Variants in DYNC1I1 observed in about 807,000 individuals in gnomAD.
DYNC1I1 encodes dynein cytoplasmic 1 intermediate chain 1.
Under a neutral mutation model 86.6 loss-of-function variants are expected in DYNC1I1, and 43 were observed. The ratio of observed to expected loss-of-function variants is 0.50; its 90% CI spans 0.39 to 0.64. DYNC1I1 has a LOEUF of 0.64. DYNC1I1 is among the 30% of genes least tolerant of loss of function. The pLI, the probability that DYNC1I1 is intolerant of heterozygous loss-of-function variation, is 0.00. For missense variants in DYNC1I1, 604 were observed against 788.8 expected (o/e 0.77, Z 2.81); for synonymous variants, 262 against 283.7 (o/e 0.92, Z 0.77).
At chr7:95,780,967 AATTGGTGTGT>A (rs1793977621) in intron 1 of DYNC1I1, among the ~76,000 whole-genome samples, 1 of 152,070 alleles carries the variant, frequency 6.6e-6, no homozygotes, top group Non-Finnish European at 1.5e-5. Context: ...AGGTTGTGGG[AATTGGTGTGT>A]ATTTTGTGGA....
chr7:96,035,720 A>G lies in DYNC1I1; in HGVS notation c.1332A>G (p.Glu444=), dbSNP rs920497181. The change falls in exon 13 of 17, where the codon GAA becomes GAG. Residue 444 remains glutamate, a synonymous_variant. Coordinates refer to ENST00000447467, the MANE Select transcript of DYNC1I1 (RefSeq NM_001135556.2). ...DVNNFVVGSE[E]GTVYTACRHG... ...ATAACTTCGTGGTTGGCAGTGAGGA[A>G]GGTACAGTCTACACGGCTTGTCGTC... The G allele has an allele frequency of 5.0e-6, 8 of 1,611,638 alleles. No individual in the cohort carries two copies. The highest frequency in any genetic ancestry group is 1.7e-5 in the Admixed American group (1 of 59,556).
At chr7:95,847,060 A>AAGGTATTT (rs1287902517) in intron 5 of DYNC1I1, among the ~76,000 whole-genome samples, 1 of 152,128 alleles carries the variant, frequency 6.6e-6, no homozygotes, top group Non-Finnish European at 1.5e-5. Flanking sequence ...CCCCAAAGAA[A>AAGGTATTT]AGGTATTTCT....
chr7:95,887,544 C>T (rs1158571906), intron 6 of DYNC1I1, among the ~76,000 whole-genome samples: 1 of 152,094 alleles, frequency 6.6e-6, no homozygotes, highest in Non-Finnish European at 1.5e-5. Context: ...TGTGTTTTTA[C>T]CCCTCTTATA....
intron 4 of DYNC1I1, among the ~76,000 whole-genome samples, chr7:95,827,782 G>A (rs561755015): frequency 2.6e-5 from 4 of 152,238 alleles, no homozygotes; most frequent in South Asian, 2.1e-4. Context: ...AAAACAAAGG[G>A]TAGGGGTGTG....
At chr7:96,038,107 C>T (rs1467136955) in intron 13 of DYNC1I1, among the ~76,000 whole-genome samples, 1 of 152,148 alleles carries the variant, frequency 6.6e-6, no homozygotes, top group Non-Finnish European at 1.5e-5. Context: ...ATGTGTGGAA[C>T]TGCTCTTAGC....
intron 6 of DYNC1I1, among the ~76,000 whole-genome samples, chr7:95,936,968 A>G (rs959808584): frequency 2.0e-5 from 3 of 151,664 alleles, no homozygotes; most frequent in African/African-American, 7.3e-5. Context: ...ACACACACAC[A>G]CACACACACA....
At chr7:95,957,289 G>A (rs771022048) in intron 6 of DYNC1I1, among the ~76,000 whole-genome samples, 2 of 152,106 alleles carry the variant, frequency 1.3e-5, no homozygotes, top group African/African-American at 4.8e-5. Context: ...AGTATCAGTG[G>A]CATTTTTGTA....
chr7:95,894,687 G>C (rs910072389), intron 6 of DYNC1I1, among the ~76,000 whole-genome samples: 1 of 152,092 alleles, frequency 6.6e-6, no homozygotes, highest in Non-Finnish European at 1.5e-5. Flanking sequence ...ACACATTTTT[G>C]CCAACTGGAA....
Position 96,032,734 on chromosome 7 carries a change from A to T in DYNC1I1, c.1184A>T (p.Asp395Val). 6.2e-7 allele frequency: 1 copy of T among 1,613,726 alleles called. No individual in the cohort carries two copies. The highest frequency in any genetic ancestry group is 8.5e-7 in the Non-Finnish European group (1 of 1,179,732). The change falls in exon 12 of 17, where the codon GAT (aspartate) becomes GTT (valine). Residue 395 changes from aspartate to valine, a missense_variant. Physicochemically the swap from Asp to Val is radical, Grantham distance 152 (BLOSUM62 -3). Transcript: ENST00000447467. ...NAHNLITVST[D>V]GKMCSWSLDM... Reference sequence around the variant, plus strand: ...CATAACCTCATCACTGTCTCCACTGATGGCAAAATGTGTTCCTGGAGCCTG... The same window carrying T: ...CATAACCTCATCACTGTCTCCACTGTTGGCAAAATGTGTTCCTGGAGCCTG...
intron 5 of DYNC1I1, among the ~76,000 whole-genome samples, chr7:95,861,321 T>A (rs73228432): frequency 6.6e-6 from 1 of 152,250 alleles, no homozygotes; most frequent in Non-Finnish European, 1.5e-5. Context: ...TCCTGAAGTG[T>A]ATTTTAATTC....
intron 16 of DYNC1I1, among the ~76,000 whole-genome samples, chr7:96,087,151 T>TA (rs1790706204): frequency 6.6e-6 from 1 of 152,174 alleles, no homozygotes; most frequent in Admixed American, 6.5e-5. Flanking sequence ...TTTCCAGTAA[T>TA]ACAGGGCCTA....
chr7:95,987,941 A>G (rs564277578), intron 9 of DYNC1I1, among the ~76,000 whole-genome samples: 2 of 152,210 alleles, frequency 1.3e-5, no homozygotes, highest in Non-Finnish European at 2.9e-5. Context: ...CCAGTCTGTC[A>G]CGAAGACTTT....
chr7:96,047,812 G>C lies in DYNC1I1; in HGVS notation c.1509+8391G>C, dbSNP rs996689805. 2.6e-5 allele frequency among the ~76,000 whole-genome samples: 4 copies of C among 151,524 alleles called. No homozygotes were observed. In the East Asian group the frequency reaches 7.9e-4, roughly 30 times the overall value. ...GTATGGTTTAAAAAATGGAGGAACAGAATTCACCGCTATATAACTCATCCA... is the reference window on the plus strand; with the variant it reads ...GTATGGTTTAAAAAATGGAGGAACACAATTCACCGCTATATAACTCATCCA... On this transcript the variant is annotated intron_variant, in intron 14 of 16. Coordinates refer to ENST00000447467, the MANE Select transcript of DYNC1I1 (RefSeq NM_001135556.2).
chr7:95,846,619 C>CTGTGTG (rs1486874846), intron 5 of DYNC1I1, among the ~76,000 whole-genome samples: 3 of 105,024 alleles, frequency 2.9e-5, no homozygotes, highest in Non-Finnish European at 5.1e-5. Context: ...AATGATAAAT[C>CTGTGTG]TCTCTCTCTG....
At chr7:95,839,596 T>C (rs1429996452) in intron 5 of DYNC1I1, among the ~76,000 whole-genome samples, 2 of 152,226 alleles carry the variant, frequency 1.3e-5, no homozygotes, top group Non-Finnish European at 2.9e-5. Flanking sequence ...AAAAGCTGTT[T>C]ACCCACCACC....
At chr7:96,006,958 G>A (rs142148541) in intron 10 of DYNC1I1, among the ~76,000 whole-genome samples, 1 of 152,010 alleles carries the variant, frequency 6.6e-6, no homozygotes, top group Non-Finnish European at 1.5e-5. Flanking sequence ...ATTACACATT[G>A]TGTACATGTA....
intron 10 of DYNC1I1, among the ~76,000 whole-genome samples, chr7:96,002,033 A>G (rs1470378337): frequency 6.6e-6 from 1 of 152,204 alleles, no homozygotes; most frequent in Non-Finnish European, 1.5e-5. Flanking sequence ...AATTTCACCT[A>G]ACTTAGATTC....
chr7:95,836,430 C>A, intron 5 of DYNC1I1, among the ~76,000 whole-genome samples: 1 of 151,258 alleles, frequency 6.6e-6, no homozygotes, highest in African/African-American at 2.4e-5. Flanking sequence ...TTTGGTGAAT[C>A]TGACAATTAT....
chr7:95,946,515 A>T (rs1360722958), intron 6 of DYNC1I1, among the ~76,000 whole-genome samples: 1 of 152,194 alleles, frequency 6.6e-6, no homozygotes, highest in Non-Finnish European at 1.5e-5. Context: ...CCCTAGAAAG[A>T]GGTGTGATTC....
Sources: allele counts gnomAD v4.1 joint callset (sites outside exome capture counted in the v4.1 genomes callset), GRCh38; gene constraint gnomAD v4.1.1; transcripts MANE v1.5; gene names NCBI Gene and HGNC (gene_info 2026-07-23, HGNC 2026-07-21).